LRRC24: variants seen among roughly 807,000 people sequenced by gnomAD.
LRRC24 encodes the protein leucine-rich repeat-containing protein 24.
LRRC24 carries 19 observed loss-of-function variants against 15.3 expected under a neutral mutation model. The observed-to-expected ratio is 1.25, with a 90% CI of 0.87 to 1.83. LRRC24 has a LOEUF of 1.83. LRRC24 is among the 40% of genes most tolerant of loss of function. The probability of loss-of-function intolerance (pLI) is 0.00; values close to 1 mark genes in which losing one functional copy is unlikely to be tolerated. For missense variants in LRRC24, 914 were observed against 723.9 expected, an observed-to-expected ratio of 1.26 and a Z score of -3.01; for synonymous variants, 469 against 359.6, an observed-to-expected ratio of 1.30 and a Z score of -3.44.
chr8:144,524,079 C>T, intron 4 of LRRC24, 31 bp downstream of exon 4: 1 of 1,588,664 alleles, frequency 6.3e-7, no homozygotes. Context: ...CACCGTGGCC[C>T]AGACAGAGAC....
At chr8:144,526,191 A>T (rs1256078355) in intron 1 of LRRC24, 2 of 152,258 alleles carry the variant, frequency 1.3e-5, no homozygotes, top group African/African-American at 2.4e-5. Context: ...TGTAACTCAC[A>T]TGATTATTTA....
chr8:144,524,836 C>A lies in LRRC24; in HGVS notation c.139G>T (p.Gly47Ter). 1 of 1,477,610 alleles carries A rather than the reference C, an allele frequency of 6.8e-7. No homozygotes were observed. Among genetic ancestry groups the A allele is most frequent in the Non-Finnish European group, 9.0e-7 (1 of 1,114,122 alleles). The allele number at this position is 1,477,610 out of a possible 1,614,324, so 91.5% of individuals were successfully genotyped here. A position where few individuals can be genotyped will look rare whatever the true frequency, so the allele number is the denominator to read the frequency against. The part of the protein sequence containing the change: ...GALRLRVVPL[G>*]IPPGTQTLFL... ...CCCACCTGCGTCCCTGGCGGGATTC[C>A]CAGCGGGACGACGCGCAACCGCAGG... is the stretch of plus-strand genomic sequence containing the variant. Residue 47 changes from glycine (G) to a stop codon, truncating the protein, a stop_gained, in exon 2 of 5, where the codon GGA becomes TGA. Coordinates refer to ENST00000529415, the MANE Select transcript of LRRC24 (RefSeq NM_001024678.4). LOFTEE classifies it high-confidence loss of function.
intron 2 of LRRC24, 45 bp from the exon 3 acceptor site, chr8:144,524,764 C>T (rs1432476610): frequency 7.0e-7 from 1 of 1,433,492 alleles, no homozygotes; most frequent in South Asian, 1.4e-5. Flanking sequence ...TTGCGGGGGT[C>T]TTCCTCTCCC....
rs1340822421 is a variant in LRRC24 at position 144,522,876 on chromosome 8, G to T, written c.1141C>A (p.Arg381Ser). The change falls in exon 5 of 5, where the codon CGC becomes AGC. Residue 381 changes from arginine to serine, a missense_variant. Coordinates refer to ENST00000529415, the MANE Select transcript of LRRC24 (RefSeq NM_001024678.4). The stretch of plus-strand genomic sequence containing the variant: ...GGCCGGGGCTCGCTGCCGGCGGGGC[G>T]GGCGGCCGGAGGCGGCGGTTGCGCG... ...QPAQPPPPAARPAGSEPRPEA... is the reference protein window; with the variant it reads ...QPAQPPPPAASPAGSEPRPEA... 1 of 1,265,246 alleles carries T rather than the reference G, an allele frequency of 7.9e-7. No individual in the cohort carries two copies. The highest frequency in any genetic ancestry group is 9.9e-7 in the Non-Finnish European group (1 of 1,012,062). 78.4% of individuals were successfully genotyped at this position (1,265,246 alleles called of 1,614,324 possible). A position where few individuals can be genotyped will look rare whatever the true frequency, so the allele number is the denominator to read the frequency against.
Position 144,522,525 on chromosome 8 carries a change from C to T in LRRC24, c.1492G>A (p.Gly498Arg). 1 of 1,516,050 alleles carries T rather than the reference C, an allele frequency of 6.6e-7. No homozygotes were observed. The highest frequency in any genetic ancestry group is 1.2e-5 in the South Asian group (1 of 80,510). The allele number at this position is 1,516,050 out of a possible 1,614,324, so 93.9% of individuals were successfully genotyped here. ...GGCGGGGGCACGCGGAGTCCCGGCC[C>T]CGCCCCCTGTTCCGGGCCGCAGTCA... ...PADCGPEQGA[G>R]PGLRVPPPVA... is the part of the protein sequence containing the mutation. Residue 498 changes from glycine to arginine, a missense_variant, in exon 5 of 5, where the codon GGG becomes AGG. Coordinates refer to ENST00000529415, the MANE Select transcript of LRRC24 (RefSeq NM_001024678.4).
chr8:144,524,326 G>T, intron 3 of LRRC24, 48 bp from the exon 4 acceptor site: 1 of 1,602,224 alleles, frequency 6.2e-7, no homozygotes, highest in Non-Finnish European at 8.5e-7. Flanking sequence ...CCGAGGTTGG[G>T]GGCATGTCTC....
chr8:144,523,411 T>C lies in LRRC24; in HGVS notation c.608-2A>G. 1.3e-6 allele frequency: 2 copies of C among 1,524,076 alleles called. No homozygotes were observed. Among genetic ancestry groups the C allele is most frequent in the Non-Finnish European group, 1.8e-6 (2 of 1,136,562 alleles). 94.4% of individuals were successfully genotyped at this position (1,524,076 alleles called of 1,614,324 possible). A position where few individuals can be genotyped will look rare whatever the true frequency, so the allele number is the denominator to read the frequency against. ...CGCAGTCACAGCGCCATGGGTTCTC[T>C]GTGGGAGAGCAGCGTTAGGCAGGTG... is the stretch of plus-strand genomic sequence containing the variant. On this transcript the variant is annotated splice_acceptor_variant, in intron 4 of 4. Transcript: ENST00000529415. LOFTEE classifies it high-confidence loss of function.
intron 3 of LRRC24, 56 bp downstream of exon 3, chr8:144,524,385 T>C: frequency 6.3e-7 from 1 of 1,594,082 alleles, no homozygotes; most frequent in Non-Finnish European, 8.5e-7. Context: ...ATTCCAGCCC[T>C]ACAGGGCGAG....
rs763581224 is a variant in LRRC24, at chr8:144,524,664, G to A, written c.215C>T (p.Pro72Leu). 2 of 1,491,220 alleles carry A rather than the reference G, an allele frequency of 1.3e-6. No homozygotes were observed. Among genetic ancestry groups the A allele is most frequent in the South Asian group, 1.3e-5 (1 of 77,548 alleles). The allele number at this position is 1,491,220 out of a possible 1,614,324, so 92.4% of individuals were successfully genotyped here. A position where few individuals can be genotyped will look rare whatever the true frequency, so the allele number is the denominator to read the frequency against. The change falls in exon 3 of 5, where the codon CCA becomes CTA. Residue 72 changes from proline to leucine, a missense_variant. Pro to Leu is a moderately conservative substitution (Grantham distance 98, BLOSUM62 -3). Transcript: ENST00000529415. ...GTAGAGCCGGCGCAGAGCGGCGAGT[G>A]GCGCCAGGGCTCCCGGCTCTAGGCG... ...IARLEPGALA[P>L]LAALRRLYLH...
Position 144,524,439 on chromosome 8 carries a change from A to G in LRRC24, c.438+2T>C. On this transcript the variant is annotated splice_donor_variant, in intron 3 of 4. Coordinates refer to ENST00000529415, the MANE Select transcript of LRRC24 (RefSeq NM_001024678.4). LOFTEE classifies it high-confidence loss of function. ...CCGCCCCTTTAGACCCCAGGCGCTC[A>G]CCGGCAGGTGCAAGAAGGTGAAATC... 2 of 1,597,764 alleles carry G rather than the reference A, an allele frequency of 1.3e-6. No individual in the cohort carries two copies. Among genetic ancestry groups the G allele is most frequent in the Non-Finnish European group, 1.7e-6 (2 of 1,179,762 alleles).
In LRRC24 at chr8:144,525,017, C is replaced by G. The variant is rs764755092; in HGVS notation, c.-43G>C. On this transcript the variant is annotated 5_prime_UTR_variant, in exon 2 of 5. Transcript: ENST00000529415. ...CTCACCGGCCCTTCCGCGGTTCAGC[C>G]GCAGACGCGTGCCCTCCTGAAACAC... 7.2e-7 allele frequency: 1 copy of G among 1,398,112 alleles called. No homozygotes were observed. Among genetic ancestry groups the G allele is most frequent in the Non-Finnish European group, 9.3e-7 (1 of 1,079,572 alleles). The allele number at this position is 1,398,112 out of a possible 1,614,324, so 86.6% of individuals were successfully genotyped here. A position where few individuals can be genotyped will look rare whatever the true frequency, so the allele number is the denominator to read the frequency against.
chr8:144,526,676 C>G (rs1816372793), intron 1 of LRRC24: 1 of 152,282 alleles, frequency 6.6e-6, no homozygotes, highest in Non-Finnish European at 1.5e-5. Flanking sequence ...ATGGAACGCC[C>G]TGTGTCTGCC....
chr8:144,525,117 T>G (rs1011091466), intron 1 of LRRC24, 84 bp from the exon 2 acceptor site: 26 of 925,786 alleles, frequency 2.8e-5, no homozygotes, highest in Middle Eastern at 3.6e-4. Flanking sequence ...CGTCTAACTT[T>G]TGACGCTATA....
intron 1 of LRRC24, among the ~76,000 whole-genome samples, chr8:144,525,560 G>A (rs1193122630): frequency 6.6e-6 from 1 of 152,224 alleles, no homozygotes; most frequent in Non-Finnish European, 1.5e-5. Flanking sequence ...GCTGGCCTCA[G>A]AGGAGCTACG....
At chr8:144,523,893 C>T (rs1816236495) in intron 4 of LRRC24, 3 of 603,836 alleles carry the variant, frequency 5.0e-6, no homozygotes, top group East Asian at 5.6e-5. Context: ...TTAAGTCACC[C>T]TGTGGAGTTC....
rs766415936 is a variant in LRRC24 at position 144,522,787 on chromosome 8, G to A, written c.1230C>T (p.Ala410=). 38 of 1,553,028 alleles carry A rather than the reference G, an allele frequency of 2.4e-5. No individual in the cohort carries two copies. The Middle Eastern group carries it at 7.6e-4, about 31-fold the overall frequency. Residue 410 remains alanine (A), a synonymous_variant, in exon 5 of 5, where the codon GCC becomes GCT. Transcript: ENST00000529415. ...GCGCCGTGAGCGCCAGCAGCGCGATGGCCGCCGCAATGGCCGTCTGTGTGG... is the reference window on the plus strand; with the variant it reads ...GCGCCGTGAGCGCCAGCAGCGCGATAGCCGCCGCAATGGCCGTCTGTGTGG... ...GVATQTAIAA[A]IALLALTALL...
intron 4 of LRRC24, chr8:144,523,875 C>T: frequency 3.5e-6 from 2 of 567,156 alleles, no homozygotes; most frequent in Non-Finnish European, 6.2e-6. Flanking sequence ...GCAGAACCCT[C>T]AATTCTGTTA....
In LRRC24 at chr8:144,523,161, A is replaced by G. The variant is rs1451626068; in HGVS notation, c.856T>C (p.Tyr286His). The G allele has an allele frequency of 1.2e-6, 2 of 1,610,932 alleles. No individual in the cohort carries two copies. The highest frequency in any genetic ancestry group is 8.5e-7 in the Non-Finnish European group (1 of 1,179,274). ...CTCCAGGTCACCAATGGCTGCGGGT[A>G]GCCGGAGGCTTGGCAGGCAACCCGC... ...DLRVACQASGYPQPLVTWRKV... is the reference protein window; with the variant it reads ...DLRVACQASGHPQPLVTWRKV... The change falls in exon 5 of 5, where the codon TAC becomes CAC. Residue 286 changes from tyrosine to histidine, a missense_variant. Transcript: ENST00000529415.
Position 144,522,434 on chromosome 8 carries a change from G to C in LRRC24, c.*41C>G, listed in dbSNP as rs944500192. On this transcript the variant is annotated 3_prime_UTR_variant, in exon 5 of 5. Coordinates refer to ENST00000529415, the MANE Select transcript of LRRC24 (RefSeq NM_001024678.4). ...GACGGAGCATGCGCGAGGCCGCACC[G>C]GCCAATCTCCGGCGCCCACGTCATC... 3.6e-6 allele frequency: 5 copies of C among 1,385,704 alleles called. No individual in the cohort carries two copies. The highest frequency in any genetic ancestry group is 3.7e-6 in the Non-Finnish European group (4 of 1,078,114). The allele number at this position is 1,385,704 out of a possible 1,614,324, so 85.8% of individuals were successfully genotyped here. A position where few individuals can be genotyped will look rare whatever the true frequency, so the allele number is the denominator to read the frequency against.
Sources: gnomAD v4.1 joint callset for allele counts (sites outside exome capture counted in the v4.1 genomes callset) on GRCh38, gnomAD v4.1.1 for gene constraint, MANE v1.5 for transcripts, NCBI Gene and HGNC (gene_info 2026-07-23, HGNC 2026-07-21) for gene names.